FGF12: variants seen among roughly 807,000 people sequenced by gnomAD.
The protein encoded by FGF12 is fibroblast growth factor 12B.
A neutral mutation model predicts 23.6 loss-of-function variants in FGF12; 14 were observed. That is an observed-to-expected ratio of 0.59 (90% confidence interval 0.39 to 0.93). The LOEUF (loss-of-function observed/expected upper bound fraction) is 0.93, where lower values mean the gene tolerates loss of function less well. Among genes scored for constraint, FGF12 ranks in the 40% least tolerant of loss-of-function variants. FGF12 has a pLI of 0.00. For synonymous variants in FGF12, 62 were observed against 77.3 expected, an observed-to-expected ratio of 0.80 and a Z score of 1.04; for missense variants, 175 against 217.8, an observed-to-expected ratio of 0.80 and a Z score of 1.24.
chr3:192,633,971 G>T lies in FGF12; in HGVS notation c.13+93210C>A, dbSNP rs936709016. Among the ~76,000 whole-genome samples, 5 of 152,180 alleles carry T rather than the reference G, an allele frequency of 3.3e-5. No individual in the cohort carries two copies. The South Asian group carries it at 1.0e-3, about 32-fold the overall frequency. On this transcript the variant is annotated intron_variant, in intron 2 of 5. Coordinates refer to ENST00000445105, the MANE Select transcript of FGF12 (RefSeq NM_004113.6). ...TTCTCCTGAAATCCCTGTCTGCTCAGGTCATATCTGCATGCTCAAAATCCA... is the reference window on the plus strand; with the variant it reads ...TTCTCCTGAAATCCCTGTCTGCTCATGTCATATCTGCATGCTCAAAATCCA...
chr3:192,319,656 T>C (rs531656694), intron 4 of FGF12, among the ~76,000 whole-genome samples: 1 of 152,180 alleles, frequency 6.6e-6, no homozygotes, highest in South Asian at 2.1e-4. Context: ...ATGGATAGTA[T>C]AATAAGATAT....
chr3:192,254,182 T>G (rs1192681722), intron 4 of FGF12, among the ~76,000 whole-genome samples: 1 of 151,728 alleles, frequency 6.6e-6, no homozygotes, highest in Admixed American at 6.6e-5. Flanking sequence ...CAACCCCTCC[T>G]CTCCCCAAGA....
chr3:192,669,599 T>C (rs1717030648), intron 2 of FGF12, among the ~76,000 whole-genome samples: 1 of 66,060 alleles, frequency 1.5e-5, no homozygotes, highest in Non-Finnish European at 2.8e-5. Flanking sequence ...AAAGACTCTG[T>C]CTTAAAAAAA....
At chr3:192,430,445 G>A (rs1045812703) in intron 2 of FGF12, among the ~76,000 whole-genome samples, 10 of 152,016 alleles carry the variant, frequency 6.6e-5, no homozygotes, top group Admixed American at 4.6e-4. Context: ...ATTGCACAGC[G>A]GTGTACTTAA....
At chr3:192,533,993 GT>G (rs71896275) in intron 2 of FGF12, 5,853 of 145,594 alleles carry the variant, frequency 0.04, 350 homozygotes, top group African/African-American at 0.13. Flanking sequence ...AGATGACAGG[GT>G]TTTTTTTTTT....
chr3:192,602,965 G>C (rs565362748), intron 2 of FGF12, among the ~76,000 whole-genome samples: 6 of 152,150 alleles, frequency 3.9e-5, no homozygotes, highest in Admixed American at 3.9e-4. Context: ...CACAGGAAAA[G>C]CTTTCAATAA....
intron 2 of FGF12, among the ~76,000 whole-genome samples, chr3:192,449,143 A>G (rs1722447740): frequency 6.6e-6 from 1 of 152,132 alleles, no homozygotes; most frequent in Admixed American, 6.5e-5. Flanking sequence ...GTTCAAATCC[A>G]TCCTTCATTA....
chr3:192,186,361 G>A (rs565565667), intron 4 of FGF12, among the ~76,000 whole-genome samples: 2 of 152,256 alleles, frequency 1.3e-5, no homozygotes, highest in Admixed American at 1.3e-4. Context: ...ACTACGTGGT[G>A]CCACCATCTT....
chr3:192,279,230 G>GTA (rs59504943), intron 4 of FGF12, among the ~76,000 whole-genome samples: 3,261 of 131,858 alleles, frequency 0.025, 106 homozygotes, highest in Middle Eastern at 0.047. Context: ...TAATGTATGA[G>GTA]TATATATATA....
In FGF12 at chr3:192,625,776, C is replaced by T. The variant is rs1415528270; in HGVS notation, c.13+101405G>A. On this transcript the variant is annotated intron_variant, in intron 2 of 5. Transcript: ENST00000445105. ...TGAAAAGAAAAACACAAAATACATTCAAAAGGAAAAGGGCATGAACAAATA... is the reference window on the plus strand; with the variant it reads ...TGAAAAGAAAAACACAAAATACATTTAAAAGGAAAAGGGCATGAACAAATA... Among the ~76,000 whole-genome samples the T allele has an allele frequency of 2.0e-5, 3 of 151,934 alleles. No individual in the cohort carries two copies. The East Asian group carries it at 5.8e-4, about 29-fold the overall frequency.
intron 3 of FGF12, among the ~76,000 whole-genome samples, chr3:192,346,182 A>G (rs1291949850): frequency 1.3e-5 from 2 of 152,184 alleles, no homozygotes; most frequent in Non-Finnish European, 2.9e-5. Context: ...TCATTGCTCA[A>G]TAACTTTCAT....
At chr3:192,250,060 T>C (rs963251428) in intron 4 of FGF12, among the ~76,000 whole-genome samples, 1 of 152,200 alleles carries the variant, frequency 6.6e-6, no homozygotes, top group African/African-American at 2.4e-5. Flanking sequence ...GATTCATTTA[T>C]ACAGTCAACT....
intron 2 of FGF12, among the ~76,000 whole-genome samples, chr3:192,697,572 A>C (rs1266608864): frequency 6.6e-6 from 1 of 152,190 alleles, no homozygotes; most frequent in Non-Finnish European, 1.5e-5. Flanking sequence ...TATGGCAGAA[A>C]GCACCCTATA....
intron 2 of FGF12, among the ~76,000 whole-genome samples, chr3:192,518,208 T>G (rs971286664): frequency 6.6e-6 from 1 of 152,184 alleles, no homozygotes; most frequent in African/African-American, 2.4e-5. Context: ...TCTTTCTGTT[T>G]TCTAATTGAC....
At chr3:192,371,198 A>C (rs1465080113) in intron 2 of FGF12, among the ~76,000 whole-genome samples, 1 of 152,242 alleles carries the variant, frequency 6.6e-6, no homozygotes, top group Non-Finnish European at 1.5e-5. Context: ...AAGATTTCAG[A>C]GCCAGACAAG....
intron 4 of FGF12, chr3:192,268,669 G>A (rs1046635295): frequency 2.9e-5 from 13 of 445,194 alleles, no homozygotes; most frequent in African/African-American, 2.4e-4. Flanking sequence ...CCTTTGCCTT[G>A]TCATGATTGT....
rs147067371 is a variant in FGF12 at position 192,166,632 on chromosome 3, G to A, written c.427+3826C>T. Among the ~76,000 whole-genome samples the A allele has an allele frequency of 3.4e-3, 518 of 152,206 alleles. 1 individual carries two copies. Among genetic ancestry groups the A allele is most frequent in the African/African-American group, 0.011 (441 of 41,532 alleles). On this transcript the variant is annotated intron_variant, in intron 5 of 5. Transcript: ENST00000445105. ...TTTCATTTTTCACATTTGTAAATGC[G>A]GATAATACTGGAACCTACTTCGTAC...
intron 2 of FGF12, among the ~76,000 whole-genome samples, chr3:192,402,327 C>T (rs574746016): frequency 2.6e-4 from 39 of 152,312 alleles, no homozygotes; most frequent in Admixed American, 1.5e-3. Context: ...CAGGAACATC[C>T]GAGCCAGGAG....
intron 4 of FGF12, among the ~76,000 whole-genome samples, chr3:192,330,765 T>C (rs980854171): frequency 2.0e-5 from 3 of 151,806 alleles, no homozygotes; most frequent in African/African-American, 7.3e-5. Context: ...AGAATAAACA[T>C]AGGAAAAAAC....
Sources: allele counts gnomAD v4.1 joint callset (sites outside exome capture counted in the v4.1 genomes callset), GRCh38; gene constraint gnomAD v4.1.1; transcripts MANE v1.5; gene names NCBI Gene and HGNC (gene_info 2026-07-23, HGNC 2026-07-21).